Variants in RIN2 observed in about 807,000 individuals in gnomAD.
The protein encoded by RIN2 is Ras and Rab interactor 2, also known as RAB5 interacting protein 2.
RIN2 carries 36 observed loss-of-function variants against 78.0 expected under a neutral mutation model. That is an observed-to-expected ratio of 0.46 (90% CI 0.35 to 0.61). The LOEUF (loss-of-function observed/expected upper bound fraction) is 0.61, where lower values mean the gene tolerates loss of function less well. Ranked by LOEUF, RIN2 falls within the 20% of genes least tolerant of loss-of-function variation. RIN2 has a pLI of 0.00. For missense variants in RIN2, 1,087 were observed against 1,159.7 expected (o/e 0.94, Z 0.91); for synonymous variants, 466 against 466.8 (o/e 1.00, Z 0.02).
intron 2 of RIN2, among the ~76,000 whole-genome samples, chr20:19,887,271 G>A (rs2038242066): frequency 6.6e-6 from 1 of 151,780 alleles, no homozygotes; most frequent in Non-Finnish European, 1.5e-5. Flanking sequence ...TGATTCTCCT[G>A]CCTTGGCTTC....
chr20:19,826,483 C>G (rs1322118130), intron 2 of RIN2, among the ~76,000 whole-genome samples: 2 of 152,160 alleles, frequency 1.3e-5, no homozygotes, highest in Admixed American at 1.3e-4. Flanking sequence ...ATGTAATTAG[C>G]ACATCATATC....
At chr20:20,000,264 A>G (rs550073292) in intron 12 of RIN2, among the ~76,000 whole-genome samples, 2 of 152,290 alleles carry the variant, frequency 1.3e-5, no homozygotes, top group East Asian at 1.9e-4. Flanking sequence ...CTCTTGTGCT[A>G]TTTGGTTTAG....
At chr20:19,927,764 G>A (rs1217932997) in intron 3 of RIN2, among the ~76,000 whole-genome samples, 1 of 150,674 alleles carries the variant, frequency 6.6e-6, no homozygotes, top group African/African-American at 2.4e-5. Flanking sequence ...TGCTTAGGCT[G>A]GTCTCAAACT....
intron 3 of RIN2, among the ~76,000 whole-genome samples, chr20:19,922,960 C>T (rs927995182): frequency 4.6e-5 from 7 of 152,214 alleles, no homozygotes; most frequent in Admixed American, 1.3e-4. Flanking sequence ...GCATAACTTC[C>T]GTGAACTCTC....
At chr20:19,972,760 G>A (rs545668977) in intron 8 of RIN2, among the ~76,000 whole-genome samples, 5 of 152,260 alleles carry the variant, frequency 3.3e-5, no homozygotes, top group South Asian at 4.1e-4. Context: ...ATTTACAGCT[G>A]TGACAGTATA....
chr20:19,802,479 A>C (rs562704093), intron 2 of RIN2, among the ~76,000 whole-genome samples: 2 of 152,108 alleles, frequency 1.3e-5, no homozygotes, highest in South Asian at 4.2e-4. Flanking sequence ...TTTAAAAAAA[A>C]AAAAAAAAAG....
chr20:19,992,155 T>C lies in RIN2; in HGVS notation c.2069-13T>C, dbSNP rs1211220444. The stretch of plus-strand genomic sequence containing the variant: ...GGTAAAAATATTCCATCTCCTTCTC[T>C]TCCTGCTCTCAGGGAGGATGTATGG... On this transcript the variant is annotated splice_polypyrimidine_tract_variant and intron_variant, in intron 10 of 12. Coordinates refer to ENST00000255006, the MANE Select transcript of RIN2 (RefSeq NM_018993.4). 1 of 1,610,560 alleles carries C rather than the reference T, an allele frequency of 6.2e-7. No individual in the cohort carries two copies. The highest frequency in any genetic ancestry group is 1.7e-5 in the Admixed American group (1 of 59,552).
Position 19,764,930 on chromosome 20 carries a change from T to G in RIN2, c.-163+6603T>G, listed in dbSNP as rs915145613. ...CTTCACTTTCTGCGTTTTTTTTTTT[T>G]TTTTTTTTTTTTTGACAGAGTCTTG... On this transcript the variant is annotated intron_variant, in intron 1 of 12. Coordinates refer to ENST00000255006, the MANE Select transcript of RIN2 (RefSeq NM_018993.4). Among the ~76,000 whole-genome samples the G allele has an allele frequency of 4.5e-5, 6 of 131,944 alleles. 1 individual carries two copies. The highest frequency in any genetic ancestry group is 1.6e-5 in the Non-Finnish European group (1 of 61,932). The allele number at this position is 131,944 out of a possible 152,430, so 86.6% of individuals were successfully genotyped here.
chr20:19,958,653 G>C (rs193196301), intron 5 of RIN2, among the ~76,000 whole-genome samples: 1 of 152,246 alleles, frequency 6.6e-6, no homozygotes, highest in Non-Finnish European at 1.5e-5. Flanking sequence ...CAGATCACTT[G>C]AGATCAGGAG....
At position 19,930,102 on chromosome 20, in the gene RIN2, G is replaced by A. The variant is rs532222282; in HGVS notation, c.58-4997G>A. ...AAAGTTGCTGGGGGCTGGGGCTGGG[G>A]GGGATGCGAGGGACCAAAAAAAAGT... On this transcript the variant is annotated intron_variant, in intron 3 of 12. Coordinates refer to ENST00000255006, the MANE Select transcript of RIN2 (RefSeq NM_018993.4). Among the ~76,000 whole-genome samples the A allele has an allele frequency of 5.9e-5, 9 of 152,154 alleles. No homozygotes were observed. The East Asian group carries it at 1.5e-3, about 26-fold the overall frequency.
At chr20:19,921,965 A>C (rs974496414) in intron 3 of RIN2, among the ~76,000 whole-genome samples, 4 of 152,192 alleles carry the variant, frequency 2.6e-5, no homozygotes, top group Non-Finnish European at 5.9e-5. Flanking sequence ...TCCTGGGTTC[A>C]AGCGATTCTG....
At chr20:19,833,081 G>A (rs903200538) in intron 2 of RIN2, among the ~76,000 whole-genome samples, 37 of 152,004 alleles carry the variant, frequency 2.4e-4, no homozygotes, top group African/African-American at 1.7e-4. Flanking sequence ...GAAAGCTCCC[G>A]CCCACAGTTT....
At chr20:19,916,670 G>C (rs1316295827) in intron 3 of RIN2, among the ~76,000 whole-genome samples, 1 of 152,228 alleles carries the variant, frequency 6.6e-6, no homozygotes, top group East Asian at 1.9e-4. Context: ...AAGCCCTAAA[G>C]CCAGTAGGTT....
chr20:19,769,029 C>T (rs1207051188), intron 1 of RIN2, among the ~76,000 whole-genome samples: 1 of 149,898 alleles, frequency 6.7e-6, no homozygotes, highest in African/African-American at 2.5e-5. Context: ...TCAAGTGATT[C>T]GCCTGCCTCA....
intron 5 of RIN2, among the ~76,000 whole-genome samples, chr20:19,958,533 A>G (rs1328382551): frequency 6.6e-6 from 1 of 152,250 alleles, no homozygotes; most frequent in Non-Finnish European, 1.5e-5. Context: ...GGTTGAGGGC[A>G]GGGCCAGGAC....
intron 2 of RIN2, among the ~76,000 whole-genome samples, chr20:19,884,108 C>G: frequency 6.6e-6 from 1 of 151,402 alleles, no homozygotes; most frequent in East Asian, 2.0e-4. Context: ...CAGCACCTGG[C>G]CAACAAGAGT....
chr20:19,874,872 A>G (rs6075587), intron 2 of RIN2, among the ~76,000 whole-genome samples: 2,860 of 150,004 alleles, frequency 0.019, 45 homozygotes, highest in Non-Finnish European at 0.029. Context: ...TTTATTTTTT[A>G]TTTTTTGAGA....
chr20:19,800,122 A>G (rs1003658074), intron 2 of RIN2, among the ~76,000 whole-genome samples: 1 of 152,216 alleles, frequency 6.6e-6, no homozygotes, highest in Non-Finnish European at 1.5e-5. Flanking sequence ...CTGAGGGATG[A>G]CACCACTGCC....
chr20:19,881,878 A>T (rs1461457754), intron 2 of RIN2, among the ~76,000 whole-genome samples: 1 of 152,194 alleles, frequency 6.6e-6, no homozygotes, highest in East Asian at 1.9e-4. Flanking sequence ...GAATTTCAAT[A>T]CTCCATTGCT....
Sources: allele counts gnomAD v4.1 joint callset (sites outside exome capture counted in the v4.1 genomes callset), GRCh38; gene constraint gnomAD v4.1.1; transcripts MANE v1.5; gene names NCBI Gene and HGNC (gene_info 2026-07-23, HGNC 2026-07-21).